FILIP1L: variants seen among roughly 807,000 people sequenced by gnomAD.
FILIP1L encodes filamin A-interacting protein 1-like.
A neutral mutation model predicts 96.6 loss-of-function variants in FILIP1L; 55 were observed. That is an observed-to-expected ratio of 0.57 (90% CI 0.46 to 0.71). The LOEUF (loss-of-function observed/expected upper bound fraction) is 0.71. FILIP1L is among the 30% of genes least tolerant of loss of function. The probability of loss-of-function intolerance (pLI) is 0.00; values close to 1 mark genes in which losing one functional copy is unlikely to be tolerated. For synonymous variants in FILIP1L, 467 were observed against 473.9 expected, an observed-to-expected ratio of 0.99 and a Z score of 0.19; for missense variants, 1,304 against 1,321.2, an observed-to-expected ratio of 0.99 and a Z score of 0.20.
At chr3:99,895,521 T>C (rs182111186) in intron 4 of FILIP1L, among the ~76,000 whole-genome samples, 52 of 152,310 alleles carry the variant, frequency 3.4e-4, no homozygotes, top group Non-Finnish European at 4.4e-5. Flanking sequence ...GCCAAGTTCC[T>C]GGTGGTGTTT....
intron 1 of FILIP1L, among the ~76,000 whole-genome samples, chr3:100,093,921 G>A (rs2066157973): frequency 1.3e-5 from 2 of 152,096 alleles, no homozygotes; most frequent in South Asian, 2.1e-4. Flanking sequence ...CCACCATAAA[G>A]ATTTGTGTAC....
At chr3:99,942,218 G>C (rs1707872484) in intron 1 of FILIP1L, among the ~76,000 whole-genome samples, 2 of 151,630 alleles carry the variant, frequency 1.3e-5, no homozygotes, top group South Asian at 4.1e-4. Flanking sequence ...AAAAAAAGAA[G>C]TTACTGTTAA....
intron 4 of FILIP1L, among the ~76,000 whole-genome samples, chr3:99,859,579 C>T (rs1353086854): frequency 6.6e-6 from 1 of 152,158 alleles, no homozygotes; most frequent in Non-Finnish European, 1.5e-5. Context: ...TTTATATCTG[C>T]TCTCACAGCT....
chr3:100,034,011 T>C (rs2065064451), intron 1 of FILIP1L, among the ~76,000 whole-genome samples: 1 of 152,336 alleles, frequency 6.6e-6, no homozygotes, highest in Admixed American at 6.5e-5. Flanking sequence ...GGTTATTTGA[T>C]TGAAGAAACA....
intron 1 of FILIP1L, among the ~76,000 whole-genome samples, chr3:100,025,128 T>C (rs1181713440): frequency 6.6e-6 from 1 of 152,188 alleles, no homozygotes; most frequent in Non-Finnish European, 1.5e-5. Context: ...CCGTAAGATT[T>C]CCCAATTCTG....
intron 1 of FILIP1L, among the ~76,000 whole-genome samples, chr3:99,947,868 T>C (rs1166145376): frequency 6.6e-6 from 1 of 152,130 alleles, no homozygotes; most frequent in Non-Finnish European, 1.5e-5. Context: ...TCTTTAACAA[T>C]AGGACATTTA....
intron 4 of FILIP1L, among the ~76,000 whole-genome samples, chr3:99,923,220 T>C (rs1707180208): frequency 6.6e-6 from 1 of 152,142 alleles, no homozygotes. Context: ...GTTTCAGCTA[T>C]CACCTGCTGC....
At chr3:100,107,542 C>T (rs568227527) in intron 1 of FILIP1L, among the ~76,000 whole-genome samples, 22 of 152,238 alleles carry the variant, frequency 1.4e-4, no homozygotes, top group Non-Finnish European at 2.9e-4. Context: ...ACTAACCTAA[C>T]CACTAAACGA....
At chr3:100,071,090 CTTTTTTTTTTT>C (rs61563009) in intron 1 of FILIP1L, among the ~76,000 whole-genome samples, 7 of 70,588 alleles carry the variant, frequency 9.9e-5, no homozygotes, top group Admixed American at 4.6e-4. Context: ...GCTACTCTCT[CTTTTTTTTTTT>C]TTTTTTTTTT....
chr3:99,832,860 T>G lies in FILIP1L; in HGVS notation c.3382-2255A>C, dbSNP rs1489552880. ...GTCTCAAAAAAAAAAAAAAAAAAGT[T>G]GTTTTTTTTTTTTTTCTTGTATGAC... is the stretch of plus-strand genomic sequence containing the variant. On this transcript the variant is annotated intron_variant, in intron 5 of 5. Coordinates refer to ENST00000477258, the MANE Select transcript of FILIP1L (RefSeq NM_001387850.1). Among the ~76,000 whole-genome samples the G allele has an allele frequency of 4.8e-4, 67 of 139,260 alleles. 1 individual carries two copies. The highest frequency in any genetic ancestry group is 2.8e-3 in the Admixed American group (40 of 14,232). The allele number at this position is 139,260 out of a possible 152,430, so 91.4% of individuals were successfully genotyped here. A position where few individuals can be genotyped will look rare whatever the true frequency, so the allele number is the denominator to read the frequency against.
intron 4 of FILIP1L, among the ~76,000 whole-genome samples, chr3:99,878,122 G>A (rs1240294397): frequency 6.6e-6 from 1 of 152,148 alleles, no homozygotes; most frequent in African/African-American, 2.4e-5. Flanking sequence ...TACACTACTT[G>A]CCTGGTTACA....
intron 1 of FILIP1L, among the ~76,000 whole-genome samples, chr3:99,976,562 T>A (rs761841583): frequency 6.6e-6 from 1 of 152,204 alleles, no homozygotes; most frequent in Non-Finnish European, 1.5e-5. Flanking sequence ...AAGATACCAC[T>A]TTATTTTCTC....
intron 1 of FILIP1L, among the ~76,000 whole-genome samples, chr3:99,962,957 CAT>C (rs1221790273): frequency 6.6e-6 from 1 of 152,220 alleles, no homozygotes; most frequent in Non-Finnish European, 1.5e-5. Context: ...CCATATTTCA[CAT>C]GTTACTCACA....
intron 4 of FILIP1L, among the ~76,000 whole-genome samples, chr3:99,859,724 C>A (rs1042716147): frequency 2.0e-5 from 3 of 152,122 alleles, no homozygotes; most frequent in African/African-American, 7.2e-5. Flanking sequence ...TAGCAGTTTG[C>A]AGAGTAATTA....
At chr3:99,938,446 C>A (rs535716057) in intron 1 of FILIP1L, among the ~76,000 whole-genome samples, 1 of 152,168 alleles carries the variant, frequency 6.6e-6, no homozygotes, top group African/African-American at 2.4e-5. Flanking sequence ...GCTAACTGTA[C>A]GACACTCATG....
chr3:100,049,553 A>G (rs1048738424), intron 1 of FILIP1L, among the ~76,000 whole-genome samples: 1 of 152,202 alleles, frequency 6.6e-6, no homozygotes, highest in Non-Finnish European at 1.5e-5. Flanking sequence ...AATAAAAGTG[A>G]TTAGAATATA....
At chr3:99,965,897 G>C (rs942699078) in intron 1 of FILIP1L, among the ~76,000 whole-genome samples, 17 of 152,104 alleles carry the variant, frequency 1.1e-4, no homozygotes, top group African/African-American at 3.9e-4. Context: ...GCCGCCACTG[G>C]ACCATTTCTG....
intron 1 of FILIP1L, among the ~76,000 whole-genome samples, chr3:100,087,944 C>T (rs999086761): frequency 5.9e-5 from 9 of 151,566 alleles, no homozygotes; most frequent in Non-Finnish European, 1.2e-4. Context: ...AATTCTCCTG[C>T]CTCAGCCTCT....
chr3:99,944,812 T>C (rs1707959547), intron 1 of FILIP1L, among the ~76,000 whole-genome samples: 1 of 152,082 alleles, frequency 6.6e-6, no homozygotes, highest in Admixed American at 6.5e-5. Context: ...AAAATTAAAG[T>C]AGCCAGTATC....
Sources: gnomAD v4.1 joint callset for allele counts (sites outside exome capture counted in the v4.1 genomes callset) on GRCh38, gnomAD v4.1.1 for gene constraint, MANE v1.5 for transcripts, NCBI Gene and HGNC (gene_info 2026-07-23, HGNC 2026-07-21) for gene names.